Variants in NT5C3A observed in about 807,000 individuals in gnomAD.
The protein encoded by NT5C3A is cytosolic 5'-nucleotidase 3A.
In NT5C3A, 23 loss-of-function variants were observed where a neutral mutation model predicts 40.0. The ratio of observed to expected loss-of-function variants is 0.58; its 90% confidence interval spans 0.41 to 0.81. The LOEUF is 0.81. Ranked by LOEUF, NT5C3A falls within the 40% of genes least tolerant of loss-of-function variation. NT5C3A has a pLI of 0.00. For synonymous variants in NT5C3A, 130 were observed against 141.4 expected (o/e 0.92, Z 0.57); for missense variants, 328 against 403.0 (o/e 0.81, Z 1.59).
intron 1 of NT5C3A, among the ~76,000 whole-genome samples, chr7:33,057,229 T>C (rs1787606722): frequency 6.6e-6 from 1 of 152,076 alleles, no homozygotes; most frequent in African/African-American, 2.4e-5. Context: ...GTTAACAGTT[T>C]ATTTACTAGG....
chr7:33,021,296 T>C lies in NT5C3A; in HGVS notation c.416A>G (p.Glu139Gly), dbSNP rs1376780793. 2.5e-5 allele frequency: 41 copies of C among 1,612,432 alleles called. No homozygotes were observed. The highest frequency in any genetic ancestry group is 3.5e-5 in the Non-Finnish European group (41 of 1,178,934). The change falls in exon 5 of 9, where the codon GAG becomes GGG. Residue 139 changes from glutamate (E) to glycine (G), a missense_variant. This residue lies in a region of NT5C3A where 280 missense variants were observed against 317.2 expected (regional missense o/e 0.88). Transcript: ENST00000610140. Reference protein sequence around the residue: ...IEVDPVLTVEEKYPYMVEWYT... With the variant: ...IEVDPVLTVEGKYPYMVEWYT... ...CCATTCCACCATATAAGGGTACTTCTCTTCTACAGTAAGAACAGGATCAAC... is the reference window on the plus strand; with the variant it reads ...CCATTCCACCATATAAGGGTACTTCCCTTCTACAGTAAGAACAGGATCAAC...
intron 1 of NT5C3A, among the ~76,000 whole-genome samples, chr7:33,051,523 C>T (rs1397683736): frequency 1.3e-5 from 2 of 152,052 alleles, no homozygotes; most frequent in Non-Finnish European, 2.9e-5. Flanking sequence ...ACATAAAATA[C>T]ACAGGAACAT....
chr7:33,062,577 G>C lies in NT5C3A; in HGVS notation c.129C>G (p.Ile43Met). ...LKRKTGRKTK[I>M]IEMMPEFQKS... is the part of the protein sequence containing the mutation. ...GAGCCTCCACACTCACCATCTCGAT[G>C]ATCTTGGTCTTCCGCCCCGTCTTCC... Residue 43 changes from isoleucine (I) to methionine (M), a missense_variant, in exon 1 of 9, where the codon ATC becomes ATG. Transcript: ENST00000610140. The C allele has an allele frequency of 6.2e-7, 1 of 1,610,296 alleles. No homozygotes were observed. The highest frequency in any genetic ancestry group is 8.5e-7 in the Non-Finnish European group (1 of 1,178,972).
chr7:33,047,044 C>T (rs1481672257), intron 1 of NT5C3A, among the ~76,000 whole-genome samples: 1 of 149,442 alleles, frequency 6.7e-6, no homozygotes, highest in Admixed American at 6.7e-5. Flanking sequence ...TATGCTCAAG[C>T]GATCCTCTCA....
At chr7:33,055,557 T>C (rs997617891) in intron 1 of NT5C3A, among the ~76,000 whole-genome samples, 3 of 152,170 alleles carry the variant, frequency 2.0e-5, no homozygotes, top group Non-Finnish European at 4.4e-5. Context: ...TTGACTGAAA[T>C]AGGTATTTTC....
chr7:33,023,887 A>C (rs992122149), intron 3 of NT5C3A, 152 bp downstream of exon 3: 19 of 621,930 alleles, frequency 3.1e-5, no homozygotes, highest in African/African-American at 5.5e-5. Context: ...GGGAAAAAAA[A>C]CCTCAAAAAT....
chr7:33,030,059 G>C (rs1786162186), intron 1 of NT5C3A, among the ~76,000 whole-genome samples: 1 of 152,042 alleles, frequency 6.6e-6, no homozygotes, highest in Admixed American at 6.5e-5. Flanking sequence ...TCTGTCTTGG[G>C]TTATATAGTA....
chr7:33,043,278 A>G (rs1161268070), intron 1 of NT5C3A, among the ~76,000 whole-genome samples: 1 of 152,246 alleles, frequency 6.6e-6, no homozygotes, highest in Non-Finnish European at 1.5e-5. Flanking sequence ...TTTGAGAAGG[A>G]AAAATCTTTA....
At chr7:33,035,857 T>A in intron 1 of NT5C3A, 1 of 1,152,596 alleles carries the variant, frequency 8.7e-7, no homozygotes, top group Non-Finnish European at 1.3e-6. Context: ...GTCCCATAAT[T>A]ATCTGGTTAG....
rs116434527 is a variant in NT5C3A, at chr7:33,045,460, A to G, written c.138+17108T>C. ...TTTTTGAAAATGAATGGCAAATGAA[A>G]AATTTTTTTTTTTTTTTGAGACGGA... On this transcript the variant is annotated intron_variant, in intron 1 of 8. Transcript: ENST00000610140. Among the ~76,000 whole-genome samples, 339 of 152,026 alleles carry G rather than the reference A, an allele frequency of 2.2e-3. 1 individual carries two copies. Among genetic ancestry groups the G allele is most frequent in the African/African-American group, 7.8e-3 (324 of 41,450 alleles).
At chr7:33,038,824 A>C (rs1449721851) in intron 1 of NT5C3A, 1 of 456,336 alleles carries the variant, frequency 2.2e-6, no homozygotes, top group African/African-American at 2.0e-5. Context: ...TTACTTTGCC[A>C]ATGGTCATCT....
At chr7:33,037,439 T>C (rs1480653396) in intron 1 of NT5C3A, among the ~76,000 whole-genome samples, 1 of 152,202 alleles carries the variant, frequency 6.6e-6, no homozygotes, top group Non-Finnish European at 1.5e-5. Context: ...TATTTAAAAA[T>C]GGCAACTTAG....
chr7:33,052,318 T>C (rs1787399650), intron 1 of NT5C3A, among the ~76,000 whole-genome samples: 1 of 151,936 alleles, frequency 6.6e-6, no homozygotes, highest in African/African-American at 2.4e-5. Flanking sequence ...ACCTCGTCTC[T>C]ACTAAAAATA....
At chr7:33,051,922 A>T (rs903519726) in intron 1 of NT5C3A, among the ~76,000 whole-genome samples, 1 of 152,228 alleles carries the variant, frequency 6.6e-6, no homozygotes, top group Non-Finnish European at 1.5e-5. Context: ...GATTTAAAAA[A>T]TATATAAAAG....
intron 1 of NT5C3A, among the ~76,000 whole-genome samples, chr7:33,035,115 G>A (rs1195954326): frequency 1.3e-5 from 2 of 151,814 alleles, no homozygotes; most frequent in Non-Finnish European, 2.9e-5. Context: ...ACACATAGTT[G>A]GCGGTTTCAC....
intron 1 of NT5C3A, among the ~76,000 whole-genome samples, chr7:33,042,650 A>G (rs1005355476): frequency 1.3e-5 from 2 of 152,248 alleles, no homozygotes; most frequent in Non-Finnish European, 2.9e-5. Flanking sequence ...GATCACTTTC[A>G]ACAACCAAGA....
intron 2 of NT5C3A, among the ~76,000 whole-genome samples, chr7:33,025,772 A>G (rs1251558948): frequency 6.6e-6 from 1 of 152,242 alleles, no homozygotes; most frequent in Non-Finnish European, 1.5e-5. Flanking sequence ...TTTTAGAACA[A>G]CTCAAGATAT....
At chr7:33,038,756 C>A in intron 1 of NT5C3A, 1 of 430,896 alleles carries the variant, frequency 2.3e-6, no homozygotes, top group Non-Finnish European at 4.6e-6. Context: ...AAAATTAGGG[C>A]AGAGTATTTT....
At chr7:33,060,586 C>A (rs989375819) in intron 1 of NT5C3A, among the ~76,000 whole-genome samples, 14 of 152,164 alleles carry the variant, frequency 9.2e-5, no homozygotes, top group Non-Finnish European at 1.9e-4. Context: ...GACAATGCAT[C>A]ATTTTGACCA....
Sources: gnomAD v4.1 joint callset for allele counts (sites outside exome capture counted in the v4.1 genomes callset) on GRCh38, gnomAD v4.1.1 for gene constraint, gnomAD v4.1.1 regional missense constraint, MANE v1.5 for transcripts, NCBI Gene and HGNC (gene_info 2026-07-23, HGNC 2026-07-21) for gene names.